The following DIP2C variants were observed in gnomAD, a reference collection of about 807,000 sequenced individuals.
DIP2C encodes disco-interacting protein 2 homolog C.
Under a neutral mutation model 192.4 loss-of-function variants are expected in DIP2C, and 33 were observed. The observed-to-expected ratio is 0.17, with a 90% CI of 0.13 to 0.23. The LOEUF is 0.23. Ranked by LOEUF, DIP2C falls within the 10% of genes least tolerant of loss-of-function variation. The probability of loss-of-function intolerance (pLI) is 1.00; values close to 1 mark genes in which losing one functional copy is unlikely to be tolerated. For missense variants in DIP2C, 1,537 were observed against 2,110.1 expected, an observed-to-expected ratio of 0.73 and a Z score of 5.32; for synonymous variants, 979 against 864.1, an observed-to-expected ratio of 1.13 and a Z score of -2.33.
intron 1 of DIP2C, among the ~76,000 whole-genome samples, chr10:626,625 G>C (rs1442065282): frequency 1.3e-5 from 2 of 152,066 alleles, no homozygotes; most frequent in African/African-American, 4.8e-5. Context: ...TGCACCCAGA[G>C]GCATTCCGGC....
intron 1 of DIP2C, among the ~76,000 whole-genome samples, chr10:501,656 C>T (rs1228642517): frequency 6.6e-6 from 1 of 151,946 alleles, no homozygotes; most frequent in Non-Finnish European, 1.5e-5. Flanking sequence ...ACTTGCAGAA[C>T]AAAGCAGTCC....
chr10:553,491 A>C (rs541851516), intron 1 of DIP2C, among the ~76,000 whole-genome samples: 1 of 152,338 alleles, frequency 6.6e-6, no homozygotes, highest in South Asian at 2.1e-4. Flanking sequence ...AGGACCATAA[A>C]ATTTTGCGTG....
chr10:579,675 G>A (rs890517190), intron 1 of DIP2C, among the ~76,000 whole-genome samples: 57 of 152,086 alleles, frequency 3.7e-4, no homozygotes, highest in African/African-American at 1.1e-3. Context: ...GTGTATGTAC[G>A]TAAGTGCAGT....
chr10:344,538 C>T (rs1958328133), intron 28 of DIP2C, among the ~76,000 whole-genome samples: 1 of 152,190 alleles, frequency 6.6e-6, no homozygotes, highest in South Asian at 2.1e-4. Flanking sequence ...GATTTGAGAA[C>T]CAGCAAGAGA....
At chr10:561,773 G>GT (rs1390446617) in intron 1 of DIP2C, among the ~76,000 whole-genome samples, 1 of 143,678 alleles carries the variant, frequency 7.0e-6, no homozygotes, top group Admixed American at 6.7e-5. Flanking sequence ...GAGAGCAGGT[G>GT]CCACAAAACT....
At position 427,517 on chromosome 10, in the gene DIP2C, G is replaced by A. The variant is rs557374179; in HGVS notation, c.395-4484C>T. On this transcript the variant is annotated intron_variant, in intron 4 of 36. Transcript: ENST00000280886. ...GAGAAACCTTACACCTGTAAAAGTCGTTCAGATCGTATAAGGCACCTATAA... is the reference window on the plus strand; with the variant it reads ...GAGAAACCTTACACCTGTAAAAGTCATTCAGATCGTATAAGGCACCTATAA... 4.6e-5 allele frequency among the ~76,000 whole-genome samples: 7 copies of A among 152,196 alleles called. No homozygotes were observed. The East Asian group carries it at 7.7e-4, about 17-fold the overall frequency.
chr10:569,943 T>TG (rs1430058072), intron 1 of DIP2C, among the ~76,000 whole-genome samples: 1 of 152,226 alleles, frequency 6.6e-6, no homozygotes, highest in Non-Finnish European at 1.5e-5. Context: ...ACAGTGCTTC[T>TG]GGCAGCCAAG....
At chr10:584,960 C>T (rs1322413488) in intron 1 of DIP2C, among the ~76,000 whole-genome samples, 2 of 142,220 alleles carry the variant, frequency 1.4e-5, no homozygotes, top group African/African-American at 5.3e-5. Context: ...TCGGGGCCCG[C>T]GACCTGACCC....
intron 9 of DIP2C, among the ~76,000 whole-genome samples, chr10:408,309 T>C (rs1964954604): frequency 6.6e-6 from 1 of 151,702 alleles, no homozygotes; most frequent in South Asian, 2.1e-4. Context: ...TGTGTCTGTC[T>C]CTAAGCCAGT....
At chr10:672,638 C>A (rs1047053912) in intron 1 of DIP2C, among the ~76,000 whole-genome samples, 4 of 152,240 alleles carry the variant, frequency 2.6e-5, no homozygotes, top group African/African-American at 9.6e-5. Context: ...TAGAAACCAT[C>A]ACAATCATTC....
At chr10:599,795 G>C (rs1851938994) in intron 1 of DIP2C, among the ~76,000 whole-genome samples, 1 of 152,206 alleles carries the variant, frequency 6.6e-6, no homozygotes. Context: ...CTTTTGAGGA[G>C]AGGGGACGAG....
chr10:574,605 C>G (rs570142457), intron 1 of DIP2C, among the ~76,000 whole-genome samples: 1 of 152,164 alleles, frequency 6.6e-6, no homozygotes, highest in African/African-American at 2.4e-5. Flanking sequence ...ATGGGAAAAC[C>G]GAAACATACT....
intron 2 of DIP2C, among the ~76,000 whole-genome samples, chr10:483,560 G>A (rs992487419): frequency 7.2e-5 from 11 of 152,228 alleles, no homozygotes; most frequent in African/African-American, 1.9e-4. Context: ...GGCCCGGGCC[G>A]TCCTTCTCCT....
rs1959094748 is a variant in DIP2C, at chr10:356,592, C to T, written c.2905-86G>A. 3.6e-6 allele frequency: 4 copies of T among 1,112,654 alleles called. No individual in the cohort carries two copies. In the South Asian group the frequency reaches 5.8e-5, roughly 16 times the overall value. 68.9% of individuals were successfully genotyped at this position (1,112,654 alleles called of 1,614,324 possible). ...AGGTGGGGCAACCTGGATACTCAAA[C>T]CCATAGAGGCTGAGTGCTTTGGGTC... On this transcript the variant is annotated intron_variant, in intron 23 of 36. Coordinates refer to ENST00000280886, the MANE Select transcript of DIP2C (RefSeq NM_014974.3).
chr10:336,517 G>A (rs1053484030), intron 29 of DIP2C, among the ~76,000 whole-genome samples: 17 of 152,176 alleles, frequency 1.1e-4, no homozygotes, highest in African/African-American at 3.1e-4. Flanking sequence ...GGGCACGGTG[G>A]ATTAGGTTTT....
intron 1 of DIP2C, among the ~76,000 whole-genome samples, chr10:575,146 A>T (rs538145730): frequency 1.3e-5 from 2 of 152,214 alleles, no homozygotes; most frequent in Non-Finnish European, 2.9e-5. Flanking sequence ...CCTTCGCCAA[A>T]AACAGCGGAA....
intron 1 of DIP2C, among the ~76,000 whole-genome samples, chr10:616,763 A>G (rs1033670105): frequency 3.9e-5 from 6 of 152,174 alleles, no homozygotes; most frequent in Admixed American, 3.3e-4. Context: ...GCAAGCATAG[A>G]GAGTCTAATG....
rs112146785 is a variant in DIP2C at position 672,067 on chromosome 10, G to A, written c.85+17427C>T. 8.0e-3 allele frequency among the ~76,000 whole-genome samples: 1,171 copies of A among 146,734 alleles called. 20 individuals carry two copies. The highest frequency in any genetic ancestry group is 0.028 in the African/African-American group (1,090 of 39,294). ...ACAGGCCACAGACACACAGACGGAGGAAACGCCACAGACGCACGGACGGAG... is the reference window on the plus strand; with the variant it reads ...ACAGGCCACAGACACACAGACGGAGAAAACGCCACAGACGCACGGACGGAG... On this transcript the variant is annotated intron_variant, in intron 1 of 36. Coordinates refer to ENST00000280886, the MANE Select transcript of DIP2C (RefSeq NM_014974.3).
At chr10:556,843 C>G (rs977618539) in intron 1 of DIP2C, among the ~76,000 whole-genome samples, 1 of 152,226 alleles carries the variant, frequency 6.6e-6, no homozygotes, top group Non-Finnish European at 1.5e-5. Context: ...CTGTGAGCCC[C>G]GACCCTGGAA....
Sources: gnomAD v4.1 joint callset for allele counts (sites outside exome capture counted in the v4.1 genomes callset) on GRCh38, gnomAD v4.1.1 for gene constraint, MANE v1.5 for transcripts, NCBI Gene and HGNC (gene_info 2026-07-23, HGNC 2026-07-21) for gene names.